DEPDC1: variants seen among roughly 807,000 people sequenced by gnomAD.
DEPDC1 encodes DEP domain containing 1, also known as DEP domain-containing protein 1A.
Under a neutral mutation model 86.8 loss-of-function variants are expected in DEPDC1, and 66 were observed. The observed-to-expected ratio is 0.76, with a 90% CI of 0.62 to 0.93. DEPDC1 has a LOEUF of 0.93. DEPDC1 is among the 40% of genes least tolerant of loss of function. The probability of loss-of-function intolerance (pLI) is 0.00; values close to 1 mark genes in which losing one functional copy is unlikely to be tolerated. For missense variants in DEPDC1, 792 were observed against 935.7 expected, an observed-to-expected ratio of 0.85 and a Z score of 2.00; for synonymous variants, 255 against 314.9, an observed-to-expected ratio of 0.81 and a Z score of 2.02.
Position 68,475,409 on chromosome 1 carries a change from A to G in DEPDC1, c.*1523T>C, listed in dbSNP as rs540528764. On this transcript the variant is annotated 3_prime_UTR_variant, in exon 12 of 12. Coordinates refer to ENST00000456315, the MANE Select transcript of DEPDC1 (RefSeq NM_001114120.3). ...TAAACAATAAACGTTTTAGTATTCA[A>G]ATGCCTTAGAAAGAATTCATTTTGG... 9.9e-5 allele frequency: 15 copies of G among 152,022 alleles called. No individual in the cohort carries two copies. In the South Asian group the frequency reaches 3.1e-3, roughly 32 times the overall value. 9.4% of individuals were successfully genotyped at this position (152,022 alleles called of 1,614,324 possible).
rs771136769 is a variant in DEPDC1 at position 68,484,056 on chromosome 1, A to G, written c.804T>C (p.Tyr268=). The change falls in exon 7 of 12, where the codon TAT becomes TAC. Residue 268 remains tyrosine (Y), a synonymous_variant. Coordinates refer to ENST00000456315, the MANE Select transcript of DEPDC1 (RefSeq NM_001114120.3). Reference sequence around the variant, plus strand: ...TGAATACATCTCGTTCAAATCCAACATAAGTTGGATTATTCATATCATTGC... The same window carrying G: ...TGAATACATCTCGTTCAAATCCAACGTAAGTTGGATTATTCATATCATTGC... ...PRSNDMNNPT[Y]VGFERDVFRT... is the part of the protein sequence containing the mutation. The G allele has an allele frequency of 1.9e-6, 3 of 1,583,384 alleles. No individual in the cohort carries two copies. Among genetic ancestry groups the G allele is most frequent in the South Asian group, 1.2e-5 (1 of 85,520 alleles).
rs1252021976 is a variant in DEPDC1, at chr1:68,476,131, A to T, written c.*801T>A. 2.6e-5 allele frequency: 4 copies of T among 151,872 alleles called. No individual in the cohort carries two copies. Among genetic ancestry groups the T allele is most frequent in the African/African-American group, 9.7e-5 (4 of 41,436 alleles). 9.4% of individuals were successfully genotyped at this position (151,872 alleles called of 1,614,324 possible). ...ACATCTGATAGGTGTATCTCCCTTG[A>T]TTAAAAAATAAATACCTTATGGAAG... On this transcript the variant is annotated 3_prime_UTR_variant, in exon 12 of 12. Transcript: ENST00000456315.
At position 68,488,920 on chromosome 1, in the gene DEPDC1, T is replaced by A; in HGVS notation, c.586A>T (p.Ile196Phe). The part of the protein sequence containing the change: ...VEEVWRYVIL[I>F]YLQTILGVPS... ...TAAAGCTTAATTTTATCTTACTAGA[T>A]CAGAATAACATATCTCCAAACTTCT... is the stretch of plus-strand genomic sequence containing the variant. Residue 196 changes from isoleucine (I) to phenylalanine (F), a missense_variant, in exon 4 of 12, where the codon ATC becomes TTC. By Grantham distance (21) the Ile-to-Phe change is conservative. Coordinates refer to ENST00000456315, the MANE Select transcript of DEPDC1 (RefSeq NM_001114120.3). 6.4e-7 allele frequency: 1 copy of A among 1,554,946 alleles called. No homozygotes were observed. The highest frequency in any genetic ancestry group is 8.9e-7 in the Non-Finnish European group (1 of 1,128,796).
intron 6 of DEPDC1, among the ~76,000 whole-genome samples, chr1:68,484,981 A>C (rs951091699): frequency 2.0e-5 from 3 of 151,508 alleles, no homozygotes; most frequent in African/African-American, 7.3e-5. Flanking sequence ...GACCTACAGA[A>C]TCTCTGGAGA....
chr1:68,482,753 CTA>C lies in DEPDC1; in HGVS notation c.1053_1054del (p.His351GlnfsTer12), dbSNP rs1646165885. ...ATCTGATTCTTCTTTGTTTTTTTCTCTATGAAGCAGACTGAGAAGAAGGCACT... is the reference window on the plus strand; with the variant it reads ...ATCTGATTCTTCTTTGTTTTTTTCTCTGAAGCAGACTGAGAAGAAGGCACT... On this transcript the variant is annotated frameshift_variant, in exon 8 of 12. Transcript: ENST00000456315. LOFTEE classifies it high-confidence loss of function. The C allele has an allele frequency of 6.2e-7, 1 of 1,612,222 alleles. No individual in the cohort carries two copies. Among genetic ancestry groups the C allele is most frequent in the African/African-American group, 1.3e-5 (1 of 74,732 alleles).
rs200717783 is a variant in DEPDC1, at chr1:68,477,014, T to A, written c.2354A>T (p.Glu785Val). The A allele has an allele frequency of 4.4e-6, 7 of 1,607,922 alleles. No homozygotes were observed. Among genetic ancestry groups the A allele is most frequent in the Non-Finnish European group, 5.9e-6 (7 of 1,177,042 alleles). ...YQKRFPTTES[E>V]AALFGDKPTI... The stretch of plus-strand genomic sequence containing the variant: ...AGGTTTGTCACCAAAAAGTGCTGCT[T>A]CACTCTCCGTGGTTGGAAATCTTTT... Residue 785 changes from glutamate (E) to valine (V), a missense_variant, in exon 12 of 12, where the codon GAA becomes GTA. Coordinates refer to ENST00000456315, the MANE Select transcript of DEPDC1 (RefSeq NM_001114120.3).
chr1:68,481,993 A>T, intron 8 of DEPDC1, 53 bp downstream of exon 8: 1 of 1,486,618 alleles, frequency 6.7e-7, no homozygotes, highest in Non-Finnish European at 8.9e-7. Context: ...CAAAACACAG[A>T]GTTAGTAAAC....
At chr1:68,493,636 T>C (rs1646243523) in intron 2 of DEPDC1, among the ~76,000 whole-genome samples, 1 of 152,206 alleles carries the variant, frequency 6.6e-6, no homozygotes. Context: ...TAAGAACACA[T>C]ATGTAAATCA....
rs1051900351 is a variant in DEPDC1 at position 68,482,324 on chromosome 1, T to A, written c.1484A>T (p.Glu495Val). 52 of 1,612,814 alleles carry A rather than the reference T, an allele frequency of 3.2e-5. No individual in the cohort carries two copies. The highest frequency in any genetic ancestry group is 4.2e-5 in the Non-Finnish European group (50 of 1,179,318). The change falls in exon 8 of 12, where the codon GAG (glutamate) becomes GTG (valine). Residue 495 changes from glutamate to valine, a missense_variant. Coordinates refer to ENST00000456315, the MANE Select transcript of DEPDC1 (RefSeq NM_001114120.3). ...CTTGCATTTCCCATTACACAACTCCTCTTGGTCTTGAACAGTCAAAGTAGA... is the reference window on the plus strand; with the variant it reads ...CTTGCATTTCCCATTACACAACTCCACTTGGTCTTGAACAGTCAAAGTAGA... The part of the protein sequence containing the change: ...RTSTLTVQDQ[E>V]ELCNGKCKSK...
In DEPDC1 at chr1:68,479,150, C is replaced by T. The variant is rs1177019583; in HGVS notation, c.2106G>A (p.Lys702=). Residue 702 remains lysine (K), a synonymous_variant, in exon 10 of 12, where the codon AAG becomes AAA. Coordinates refer to ENST00000456315, the MANE Select transcript of DEPDC1 (RefSeq NM_001114120.3). ...AVEKHLDYLK[K]GHIENPGDGL... ...TAAGACTCACAATACTTACATGTCCCTTTTTTAAGTAGTCAAGATGTTTTT... is the reference window on the plus strand; with the variant it reads ...TAAGACTCACAATACTTACATGTCCTTTTTTTAAGTAGTCAAGATGTTTTT... 6.2e-7 allele frequency: 1 copy of T among 1,606,768 alleles called. No individual in the cohort carries two copies. Among genetic ancestry groups the T allele is most frequent in the Non-Finnish European group, 8.5e-7 (1 of 1,177,352 alleles).
intron 1 of DEPDC1, among the ~76,000 whole-genome samples, chr1:68,495,633 G>A (rs1341086629): frequency 6.6e-6 from 1 of 152,192 alleles, no homozygotes; most frequent in Non-Finnish European, 1.5e-5. Flanking sequence ...GGAGATTACA[G>A]AACGGCTTTC....
In DEPDC1 at chr1:68,482,718, T is replaced by C. The variant is rs1226869016; in HGVS notation, c.1090A>G (p.Arg364Gly). Residue 364 changes from arginine to glycine, a missense_variant, in exon 8 of 12, where the codon AGA (arginine) becomes GGA (glycine). By Grantham distance (125) the Arg-to-Gly change is moderately radical. Transcript: ENST00000456315. The part of the protein sequence containing the change: ...KNKEESDSTE[R>G]LQISNPGFQE... ...AATCCTGGATTGCTTATCTGTAGTC[T>C]CTCAGTAGAATCTGATTCTTCTTTG... The C allele has an allele frequency of 6.2e-7, 1 of 1,612,494 alleles. No individual in the cohort carries two copies.
chr1:68,486,892 A>G, intron 6 of DEPDC1, 45 bp downstream of exon 6: 1 of 1,427,306 alleles, frequency 7.0e-7, no homozygotes, highest in Non-Finnish European at 9.2e-7. Flanking sequence ...ACACACACAC[A>G]CACACACACA....
At chr1:68,485,858 C>T (rs1284207684) in intron 6 of DEPDC1, among the ~76,000 whole-genome samples, 1 of 151,876 alleles carries the variant, frequency 6.6e-6, no homozygotes, top group Non-Finnish European at 1.5e-5. Flanking sequence ...TATAAAGTTA[C>T]CCTGAACATT....
Position 68,496,985 on chromosome 1 carries a change from ACCCTGACTC to A in DEPDC1, c.6_14del (p.Glu2_Gly5delinsAsp), listed in dbSNP as rs754253054. On this transcript the variant is annotated inframe_deletion, in exon 1 of 12. Coordinates refer to ENST00000456315, the MANE Select transcript of DEPDC1 (RefSeq NM_001114120.3). This position sits in a 1 kb window ranked among gnomAD's most constrained non-coding sequence, Gnocchi z 4.0. ...TGGCCCGATAAGGCCCGGGAGGCAC[ACCCTGACTC>A]TCCATAGGTCTGTCAGCGCCCGGTG... The A allele has an allele frequency of 2.5e-6, 4 of 1,613,332 alleles. No homozygotes were observed. In the Admixed American group the frequency reaches 5.0e-5, roughly 20 times the overall value.
chr1:68,483,340 G>A (rs766405250), intron 7 of DEPDC1: 6 of 510,906 alleles, frequency 1.2e-5, no homozygotes, highest in Middle Eastern at 3.2e-4. Flanking sequence ...CTCATAACAA[G>A]CCTATTTCAG....
In DEPDC1 at chr1:68,474,176, G is replaced by A. The variant is rs1207214073; in HGVS notation, c.*2756C>T. The A allele has an allele frequency of 6.6e-6, 1 of 152,100 alleles. No individual in the cohort carries two copies. The highest frequency in any genetic ancestry group is 1.5e-5 in the Non-Finnish European group (1 of 67,998). The allele number at this position is 152,100 out of a possible 1,614,324, so 9.4% of individuals were successfully genotyped here. On this transcript the variant is annotated 3_prime_UTR_variant, in exon 12 of 12. Transcript: ENST00000456315. The stretch of plus-strand genomic sequence containing the variant: ...CTTGATAGCAAAAGAGTTTTAATCA[G>A]TAGAGATCTTAAACTCAATACAAGG...
chr1:68,489,370 A>G, intron 3 of DEPDC1, 82 bp downstream of exon 3: 1 of 1,020,436 alleles, frequency 9.8e-7, no homozygotes, highest in Admixed American at 3.0e-5. Flanking sequence ...TAAATATTAA[A>G]GAATAATTTA....
At chr1:68,490,992 T>C (rs1249491391) in intron 2 of DEPDC1, among the ~76,000 whole-genome samples, 2 of 152,136 alleles carry the variant, frequency 1.3e-5, no homozygotes, top group African/African-American at 2.4e-5. Context: ...ATGCCGAAGA[T>C]TGAAATGGGA....
Sources: allele counts gnomAD v4.1 joint callset (sites outside exome capture counted in the v4.1 genomes callset), GRCh38; gene constraint gnomAD v4.1.1; non-coding constraint Gnocchi (gnomAD v3.1); transcripts MANE v1.5; gene names NCBI Gene and HGNC (gene_info 2026-07-23, HGNC 2026-07-21).